The following PLEKHA1 variants were observed in gnomAD, a reference collection of about 807,000 sequenced individuals.
The protein encoded by PLEKHA1 is pleckstrin homology domain containing A1.
PLEKHA1 carries 34 observed loss-of-function variants against 52.0 expected under a neutral mutation model. The ratio of observed to expected loss-of-function variants is 0.65; its 90% CI spans 0.50 to 0.87. PLEKHA1 has a LOEUF of 0.87. PLEKHA1 is among the 40% of genes least tolerant of loss of function. PLEKHA1 has a pLI of 0.00. For missense variants in PLEKHA1, 497 were observed against 504.2 expected (o/e 0.99, Z 0.14); for synonymous variants, 163 against 170.7 (o/e 0.95, Z 0.35).
rs796163712 is a variant in PLEKHA1, at chr10:122,430,292, T to C, written c.*354T>C. On this transcript the variant is annotated 3_prime_UTR_variant, in exon 12 of 12. Transcript: ENST00000368990. Reference sequence around the variant, plus strand: ...CATTAAAAATGCTTATTAATAACTTTGGTCATTTAAAAAATGCTACAATGA... The same window carrying C: ...CATTAAAAATGCTTATTAATAACTTCGGTCATTTAAAAAATGCTACAATGA... 1 of 172,352 alleles carries C rather than the reference T, an allele frequency of 5.8e-6. No individual in the cohort carries two copies. The highest frequency in any genetic ancestry group is 2.4e-5 in the African/African-American group (1 of 42,070). 10.7% of individuals were successfully genotyped at this position (172,352 alleles called of 1,614,324 possible). A position where few individuals can be genotyped will look rare whatever the true frequency, so the allele number is the denominator to read the frequency against.
chr10:122,381,921 C>T (rs2096620359), intron 1 of PLEKHA1, among the ~76,000 whole-genome samples: 1 of 152,002 alleles, frequency 6.6e-6, no homozygotes, highest in South Asian at 2.1e-4. Context: ...GTGTTCAAGG[C>T]TGGAGATAAC....
At chr10:122,387,655 T>A (rs992486205) in intron 1 of PLEKHA1, 4 of 152,220 alleles carry the variant, frequency 2.6e-5, no homozygotes, top group African/African-American at 9.7e-5. Flanking sequence ...TCTCTTGTAG[T>A]TGCAGTCAGA....
chr10:122,427,333 A>T (rs538054781), intron 11 of PLEKHA1, among the ~76,000 whole-genome samples: 5 of 152,354 alleles, frequency 3.3e-5, no homozygotes, highest in Middle Eastern at 3.4e-3. Context: ...ATTTGGCATA[A>T]TCTGACAGAT....
At chr10:122,440,951 A>C in the PLEKHA1 span, 1 of 152,122 alleles carries the variant, frequency 6.6e-6, no homozygotes, top group African/African-American at 2.4e-5. Context: ...AGGTGCTAAC[A>C]ATTACCTCAT....
intron 10 of PLEKHA1, among the ~76,000 whole-genome samples, chr10:122,426,610 C>T (rs925485825): frequency 3.9e-5 from 6 of 152,108 alleles, no homozygotes; most frequent in Non-Finnish European, 7.4e-5. Flanking sequence ...ATTCTTGTAG[C>T]AGATTCAGAC....
intron 1 of PLEKHA1, among the ~76,000 whole-genome samples, chr10:122,380,249 G>A (rs981254734): frequency 6.6e-6 from 1 of 152,202 alleles, no homozygotes; most frequent in Non-Finnish European, 1.5e-5. Context: ...TAGTTACTGA[G>A]GGTCTTGCAT....
rs1447774623 is a variant in PLEKHA1 at position 122,415,932 on chromosome 10, A to G, written c.542A>G (p.Tyr181Cys). ...AAACGGTCACAAAGCCATCTTCCTT[A>G]CTTTACTCCTAAACCACCTCAAGAT... is the stretch of plus-strand genomic sequence containing the variant. Reference protein sequence around the residue: ...NLKRSQSHLPYFTPKPPQDSA... With the variant: ...NLKRSQSHLPCFTPKPPQDSA... Residue 181 changes from tyrosine to cysteine, a missense_variant, in exon 7 of 12, where the codon TAC becomes TGC. Coordinates refer to ENST00000368990, the MANE Select transcript of PLEKHA1 (RefSeq NM_001001974.4). 9 of 1,613,612 alleles carry G rather than the reference A, an allele frequency of 5.6e-6. No homozygotes were observed. Among genetic ancestry groups the G allele is most frequent in the Admixed American group, 1.7e-5 (1 of 59,988 alleles).
rs144557500 is a variant in PLEKHA1, at chr10:122,429,554, A to G, written c.901-70A>G. The G allele has an allele frequency of 1.2e-3, 1,686 of 1,363,426 alleles. 18 individuals are homozygous for G. In the African/African-American group the frequency reaches 0.021, roughly 17 times the overall value. 84.5% of individuals were successfully genotyped at this position (1,363,426 alleles called of 1,614,324 possible). A position where few individuals can be genotyped will look rare whatever the true frequency, so the allele number is the denominator to read the frequency against. ...TGTTTTATTTGTTTTTCAGAGAATC[A>G]AGTCTCACACTGAGTTACTAACCTG... On this transcript the variant is annotated intron_variant, in intron 11 of 11. Transcript: ENST00000368990.
rs1293545851 is a variant in PLEKHA1, at chr10:122,413,057, ACT to A, written c.468+15_468+16del. On this transcript the variant is annotated intron_variant, in intron 6 of 11. Coordinates refer to ENST00000368990, the MANE Select transcript of PLEKHA1 (RefSeq NM_001001974.4). Reference sequence around the variant, plus strand: ...TTACTCCCACTCAGGTAATTAAGTAACTCTTCTATTGTGTGAGGGTCTAATTA... The same window carrying A: ...TTACTCCCACTCAGGTAATTAAGTAACTTCTATTGTGTGAGGGTCTAATTA... 6.2e-7 allele frequency: 1 copy of A among 1,608,628 alleles called. No individual in the cohort carries two copies. The highest frequency in any genetic ancestry group is 1.7e-5 in the Admixed American group (1 of 59,818).
intron 4 of PLEKHA1, among the ~76,000 whole-genome samples, chr10:122,403,146 T>C (rs530571720): frequency 2.0e-5 from 3 of 152,194 alleles, no homozygotes; most frequent in Admixed American, 2.0e-4. Context: ...AGAAGGAACA[T>C]GAGACAATGC....
rs190042093 is a variant in PLEKHA1 at position 122,393,024 on chromosome 10, A to G, written c.-20-157A>G. On this transcript the variant is annotated intron_variant, in intron 1 of 11. Coordinates refer to ENST00000368990, the MANE Select transcript of PLEKHA1 (RefSeq NM_001001974.4). The surrounding 1 kb of genome is among the most constrained non-coding windows in gnomAD (Gnocchi z 4.5). ...CACTCTTCACAAACTGAATTTCAAA[A>G]GTGATTTTTGTCAATGCCTCAGATG... 23 of 503,902 alleles carry G rather than the reference A, an allele frequency of 4.6e-5. No homozygotes were observed. In the Admixed American group the frequency reaches 8.9e-4, roughly 19 times the overall value. The allele number at this position is 503,902 out of a possible 1,614,324, so 31.2% of individuals were successfully genotyped here.
At chr10:122,385,955 A>G (rs1439934513) in intron 1 of PLEKHA1, among the ~76,000 whole-genome samples, 2 of 152,116 alleles carry the variant, frequency 1.3e-5, no homozygotes, top group Non-Finnish European at 2.9e-5. Flanking sequence ...ATTTGTATCC[A>G]ATATTTGGTG....
chr10:122,418,072 T>A, intron 8 of PLEKHA1, 104 bp downstream of exon 8: 1 of 850,706 alleles, frequency 1.2e-6, no homozygotes, highest in Non-Finnish European at 1.8e-6. Flanking sequence ...TCAGAATAAG[T>A]CTAGTTTTTA....
At chr10:122,375,171 C>A (rs570496891) in intron 1 of PLEKHA1, among the ~76,000 whole-genome samples, 18 of 152,068 alleles carry the variant, frequency 1.2e-4, no homozygotes, top group African/African-American at 4.1e-4. Context: ...GCGGGGCCGA[C>A]GAGCTCCTCG....
chr10:122,414,256 T>C (rs2097144534), intron 6 of PLEKHA1, among the ~76,000 whole-genome samples: 1 of 152,132 alleles, frequency 6.6e-6, no homozygotes, highest in Admixed American at 6.6e-5. Context: ...GACACTGTAT[T>C]AGTTTGTATC....
rs534890275 is a variant in PLEKHA1, at chr10:122,417,188, T to C, written c.613-712T>C. 2.0e-5 allele frequency: 3 copies of C among 152,338 alleles called. No individual in the cohort carries two copies. In the South Asian group the frequency reaches 6.2e-4, roughly 32 times the overall value. 9.4% of individuals were successfully genotyped at this position (152,338 alleles called of 1,614,324 possible). On this transcript the variant is annotated intron_variant, in intron 7 of 11. Coordinates refer to ENST00000368990, the MANE Select transcript of PLEKHA1 (RefSeq NM_001001974.4). ...CTTTATTAAATATTTAGTGCTTTACTACTATGTATAAAGTACTTGTGGAAG... is the reference window on the plus strand; with the variant it reads ...CTTTATTAAATATTTAGTGCTTTACCACTATGTATAAAGTACTTGTGGAAG...
At chr10:122,407,878 A>AT (rs1487197674) in intron 5 of PLEKHA1, among the ~76,000 whole-genome samples, 4 of 152,370 alleles carry the variant, frequency 2.6e-5, no homozygotes, top group Admixed American at 1.3e-4. Flanking sequence ...TCTAAAATGA[A>AT]TAATTTCCTA....
rs889785238 is a variant in PLEKHA1, at chr10:122,401,711, C to T, written c.244+1323C>T. Among the ~76,000 whole-genome samples the T allele has an allele frequency of 4.6e-5, 7 of 151,980 alleles. No individual in the cohort carries two copies. In the East Asian group the frequency reaches 5.8e-4, roughly 13 times the overall value. Reference sequence around the variant, plus strand: ...AGTCTGTTGAAAAGTGGGTGGTAGTCGAAGCTAGGAGAATTGATACCCTCT... The same window carrying T: ...AGTCTGTTGAAAAGTGGGTGGTAGTTGAAGCTAGGAGAATTGATACCCTCT... On this transcript the variant is annotated intron_variant, in intron 4 of 11. Coordinates refer to ENST00000368990, the MANE Select transcript of PLEKHA1 (RefSeq NM_001001974.4).
chr10:122,400,250 G>C, intron 3 of PLEKHA1, 93 bp from the exon 4 acceptor site: 1 of 909,024 alleles, frequency 1.1e-6, no homozygotes. Flanking sequence ...ATGATTATTG[G>C]GGAATCATAC....
Sources: gnomAD v4.1 joint callset for allele counts (sites outside exome capture counted in the v4.1 genomes callset) on GRCh38, gnomAD v4.1.1 for gene constraint, Gnocchi (gnomAD v3.1) non-coding constraint, MANE v1.5 for transcripts, NCBI Gene and HGNC (gene_info 2026-07-23, HGNC 2026-07-21) for gene names.